The following PDZRN3 variants were observed in gnomAD, a reference collection of about 807,000 sequenced individuals.
The protein encoded by PDZRN3 is E3 ubiquitin-protein ligase PDZRN3.
In PDZRN3, 38 loss-of-function variants were observed where a neutral mutation model predicts 85.7. The ratio of observed to expected loss-of-function variants is 0.44; its 90% confidence interval spans 0.34 to 0.58. PDZRN3 has a LOEUF of 0.58. PDZRN3 is among the 20% of genes least tolerant of loss of function. The pLI is 0.01. For missense variants in PDZRN3, 1,629 were observed against 1,506.4 expected (o/e 1.08, Z -1.35); for synonymous variants, 759 against 638.0 (o/e 1.19, Z -2.86).
intron 3 of PDZRN3, among the ~76,000 whole-genome samples, chr3:73,530,159 A>T (rs1286642724): frequency 6.6e-6 from 1 of 152,210 alleles, no homozygotes; most frequent in Admixed American, 6.5e-5. Flanking sequence ...TGGCCTCACC[A>T]CAGTGGTTCT....
intron 3 of PDZRN3, among the ~76,000 whole-genome samples, chr3:73,436,518 A>G (rs1346027047): frequency 2.0e-5 from 3 of 152,216 alleles, no homozygotes; most frequent in Admixed American, 1.3e-4. Context: ...TATGTTTTTC[A>G]TAAGATTCTG....
chr3:73,453,586 C>A (rs1702918336), intron 3 of PDZRN3, among the ~76,000 whole-genome samples: 1 of 151,242 alleles, frequency 6.6e-6, no homozygotes, highest in Non-Finnish European at 1.5e-5. Flanking sequence ...GAAGTATTTT[C>A]TTCATGCTTT....
intron 3 of PDZRN3, among the ~76,000 whole-genome samples, chr3:73,457,952 T>C (rs11709074): frequency 0.12 from 17,649 of 152,254 alleles, 1,138 homozygotes; most frequent in East Asian, 0.15. Flanking sequence ...ACCTATTTTA[T>C]GGCATGTTGT....
intron 4 of PDZRN3, among the ~76,000 whole-genome samples, chr3:73,401,595 G>A (rs543394575): frequency 2.6e-5 from 4 of 152,354 alleles, no homozygotes; most frequent in African/African-American, 9.6e-5. Flanking sequence ...AAGTGCATCT[G>A]TGTGTATATG....
In PDZRN3 at chr3:73,438,357, T is replaced by C. The variant is rs370939230; in HGVS notation, c.919-33962A>G. Among the ~76,000 whole-genome samples, 313 of 152,362 alleles carry C rather than the reference T, an allele frequency of 2.1e-3. 1 individual carries two copies. The highest frequency in any genetic ancestry group is 7.3e-3 in the African/African-American group (303 of 41,586). ...ATTTATTTAATTGCTGAATAAGCTA[T>C]CTAATTCAAGCATATTATTTTCAGC... On this transcript the variant is annotated intron_variant, in intron 3 of 9. Transcript: ENST00000263666.
chr3:73,527,446 T>C (rs1704551254), intron 3 of PDZRN3, among the ~76,000 whole-genome samples: 1 of 152,222 alleles, frequency 6.6e-6, no homozygotes, highest in Non-Finnish European at 1.5e-5. Flanking sequence ...GGTCCTCGAA[T>C]GTGCAGTAGA....
At chr3:73,470,726 G>A (rs1377210647) in intron 3 of PDZRN3, among the ~76,000 whole-genome samples, 4 of 152,192 alleles carry the variant, frequency 2.6e-5, no homozygotes, top group Non-Finnish European at 5.9e-5. Flanking sequence ...TAGAGCTGAA[G>A]CCACTTGAAA....
intron 3 of PDZRN3, among the ~76,000 whole-genome samples, chr3:73,576,543 G>A (rs1324800287): frequency 6.6e-6 from 1 of 152,128 alleles, no homozygotes; most frequent in Non-Finnish European, 1.5e-5. Flanking sequence ...AAAAGGTAGA[G>A]AAACAAGTTT....
intron 5 of PDZRN3, among the ~76,000 whole-genome samples, chr3:73,400,647 CA>C (rs1187685917): frequency 2.0e-5 from 3 of 152,136 alleles, no homozygotes; most frequent in African/African-American, 7.2e-5. Flanking sequence ...TATGTGGATT[CA>C]AAGGTTGACA....
Position 73,383,814 on chromosome 3 carries a change from G to A in PDZRN3, c.2752C>T (p.Arg918Cys). The change falls in exon 10 of 10, where the codon CGC (arginine) becomes TGC (cysteine). Residue 918 changes from arginine (R) to cysteine (C), a missense_variant. Arg to Cys is a radical substitution (Grantham distance 180). Transcript: ENST00000263666. Reference sequence around the variant, plus strand: ...CGGATCTTCACCTTCCACTCCATGCGCGGCTCCGACGGGGTGGGAGAGCTC... The same window carrying A: ...CGGATCTTCACCTTCCACTCCATGCACGGCTCCGACGGGGTGGGAGAGCTC... ...DLSSPTPSEP[R>C]MEWKVKIRSD... 4.3e-6 allele frequency: 7 copies of A among 1,613,764 alleles called. No individual in the cohort carries two copies. The highest frequency in any genetic ancestry group is 2.2e-5 in the East Asian group (1 of 44,864).
chr3:73,619,911 C>T (rs985189705), intron 1 of PDZRN3, among the ~76,000 whole-genome samples: 1 of 152,194 alleles, frequency 6.6e-6, no homozygotes, highest in African/African-American at 2.4e-5. Context: ...ATGGTCCAGG[C>T]AAGAGTGTCT....
chr3:73,456,822 A>G (rs1267400766), intron 3 of PDZRN3, among the ~76,000 whole-genome samples: 2 of 152,194 alleles, frequency 1.3e-5, no homozygotes, highest in African/African-American at 4.8e-5. Flanking sequence ...AATACTGCCC[A>G]GCGTGGTATA....
At chr3:73,517,472 A>T (rs1704276526) in intron 3 of PDZRN3, among the ~76,000 whole-genome samples, 1 of 152,232 alleles carries the variant, frequency 6.6e-6, no homozygotes, top group South Asian at 2.1e-4. Flanking sequence ...AACAGATACT[A>T]GGTAAACAAA....
At chr3:73,564,145 C>T (rs576703788) in intron 3 of PDZRN3, among the ~76,000 whole-genome samples, 1 of 152,286 alleles carries the variant, frequency 6.6e-6, no homozygotes, top group East Asian at 1.9e-4. Flanking sequence ...ATCAAATATC[C>T]CAAATATGGG....
chr3:73,528,907 C>CAG (rs1163032442), intron 3 of PDZRN3, among the ~76,000 whole-genome samples: 44 of 152,046 alleles, frequency 2.9e-4, no homozygotes, highest in Admixed American at 1.2e-3. Flanking sequence ...CACACACACA[C>CAG]ACACACACAC....
chr3:73,503,767 T>C (rs1193273322), intron 3 of PDZRN3, among the ~76,000 whole-genome samples: 1 of 152,230 alleles, frequency 6.6e-6, no homozygotes, highest in African/African-American at 2.4e-5. Flanking sequence ...AGCTTTGAAC[T>C]TTTTTGGGGC....
intron 2 of PDZRN3, among the ~76,000 whole-genome samples, 186 bp downstream of exon 2, chr3:73,608,412 G>A (rs1702634196): frequency 1.3e-5 from 2 of 152,170 alleles, no homozygotes; most frequent in African/African-American, 2.4e-5. Flanking sequence ...GGCCAATGCT[G>A]TTTTAGGAGA....
At chr3:73,455,924 T>C (rs1702967186) in intron 3 of PDZRN3, among the ~76,000 whole-genome samples, 2 of 152,218 alleles carry the variant, frequency 1.3e-5, no homozygotes. Flanking sequence ...GACATCAGCA[T>C]AGTTATGGGA....
intron 3 of PDZRN3, among the ~76,000 whole-genome samples, chr3:73,481,161 A>T (rs975209151): frequency 1.3e-5 from 2 of 152,190 alleles, no homozygotes; most frequent in Non-Finnish European, 2.9e-5. Context: ...TGATTCCTAC[A>T]TGGCTCTGAG....
Sources: allele counts gnomAD v4.1 joint callset (sites outside exome capture counted in the v4.1 genomes callset), GRCh38; gene constraint gnomAD v4.1.1; transcripts MANE v1.5; gene names NCBI Gene and HGNC (gene_info 2026-07-23, HGNC 2026-07-21).